The following SPATA9 variants were observed in gnomAD, a reference collection of about 807,000 sequenced individuals.
The protein encoded by SPATA9 is spermatogenesis associated 9, also known as spermatogenesis-associated protein 9.
Under a neutral mutation model 25.5 loss-of-function variants are expected in SPATA9, and 27 were observed. That is an observed-to-expected ratio of 1.06 (90% CI 0.78 to 1.46). The LOEUF is 1.46. Among genes scored for constraint, SPATA9 ranks in the 40% most tolerant of loss-of-function variants. The pLI, the probability that SPATA9 is intolerant of heterozygous loss-of-function variation, is 0.00. For missense variants in SPATA9, 282 were observed against 297.5 expected, an observed-to-expected ratio of 0.95 and a Z score of 0.38; for synonymous variants, 102 against 105.7, an observed-to-expected ratio of 0.97 and a Z score of 0.21.
At chr5:95,663,379 A>G (rs889885651) in intron 4 of SPATA9, among the ~76,000 whole-genome samples, 2 of 152,208 alleles carry the variant, frequency 1.3e-5, no homozygotes, top group African/African-American at 2.4e-5. Flanking sequence ...GAGGGGCAAG[A>G]AAGAGGCTTC....
chr5:95,658,271 CT>C (rs550042928), downstream of SPATA9, among the ~76,000 whole-genome samples: 16 of 151,780 alleles, frequency 1.1e-4, no homozygotes, highest in East Asian at 2.9e-3. Context: ...CTTGATGGGG[CT>C]TTTTTTCCTC....
the SPATA9 span, among the ~76,000 whole-genome samples, chr5:95,729,214 T>G: frequency 6.6e-6 from 1 of 152,246 alleles, no homozygotes; most frequent in African/African-American, 2.4e-5. Context: ...GGACTTGCCC[T>G]GAATTCTTCG....
chr5:95,698,874 AAACTC>A (rs1561422313), upstream of SPATA9, among the ~76,000 whole-genome samples: 1 of 152,216 alleles, frequency 6.6e-6, no homozygotes, highest in Admixed American at 6.5e-5. Flanking sequence ...TTATTACAGC[AAACTC>A]AACTCAATTA....
In SPATA9 at chr5:95,658,384, A is replaced by G; in HGVS notation, c.*239T>C. The G allele has an allele frequency of 3.0e-6, 1 of 336,804 alleles. No individual in the cohort carries two copies. 20.9% of individuals were successfully genotyped at this position (336,804 alleles called of 1,614,324 possible). A position where few individuals can be genotyped will look rare whatever the true frequency, so the allele number is the denominator to read the frequency against. ...ACCACAGTGTAAAGTCTAACCTACC[A>G]GAGGATGGATTTTCTTGTTCATTAA... On this transcript the variant is annotated 3_prime_UTR_variant, in exon 5 of 5. Coordinates refer to ENST00000274432, the MANE Select transcript of SPATA9 (RefSeq NM_031952.4).
rs1254882228 is a variant in SPATA9, at chr5:95,658,897, G to A, written c.491C>T (p.Ala164Val). The change falls in exon 5 of 5, where the codon GCT becomes GTT. Residue 164 changes from alanine to valine, a missense_variant. Transcript: ENST00000274432. ...GATGTTCTTTACCTTCTTCAGCACAGCATTAACACAGACTGCCTATACAAT... is the reference window on the plus strand; with the variant it reads ...GATGTTCTTTACCTTCTTCAGCACAACATTAACACAGACTGCCTATACAAT... ...ALIYLAVCVN[A>V]VLKKVKNIFQ... is the part of the protein sequence containing the mutation. 2 of 1,610,408 alleles carry A rather than the reference G, an allele frequency of 1.2e-6. No homozygotes were observed. Among genetic ancestry groups the A allele is most frequent in the East Asian group, 4.5e-5 (2 of 44,868 alleles).
chr5:95,664,137 TA>T (rs1349034919), intron 3 of SPATA9, 89 bp from the exon 4 acceptor site: 4 of 675,726 alleles, frequency 5.9e-6, no homozygotes, highest in Middle Eastern at 3.9e-4. Context: ...AATGAGAATT[TA>T]TTTTTTTCTA....
the SPATA9 span, among the ~76,000 whole-genome samples, chr5:95,713,221 G>A: frequency 1.3e-5 from 2 of 152,030 alleles, no homozygotes; most frequent in South Asian, 2.1e-4. Flanking sequence ...AGTCCATCAA[G>A]CTATGAAGTC....
chr5:95,674,588 T>C lies in SPATA9; in HGVS notation c.378+824A>G, dbSNP rs896565166. ...ACAGCTGCAAATTATCTTGCAACTATGAGGGGAAAGTCAGCCTAATAATGG... is the reference window on the plus strand; with the variant it reads ...ACAGCTGCAAATTATCTTGCAACTACGAGGGGAAAGTCAGCCTAATAATGG... On this transcript the variant is annotated intron_variant, in intron 3 of 4. Coordinates refer to ENST00000274432, the MANE Select transcript of SPATA9 (RefSeq NM_031952.4). The C allele has an allele frequency of 2.0e-5, 5 of 253,966 alleles. No individual in the cohort carries two copies. In the Admixed American group the frequency reaches 2.2e-4, roughly 11 times the overall value. 15.7% of individuals were successfully genotyped at this position (253,966 alleles called of 1,614,324 possible). A position where few individuals can be genotyped will look rare whatever the true frequency, so the allele number is the denominator to read the frequency against.
chr5:95,703,516 C>T (rs1378224857), upstream of SPATA9, among the ~76,000 whole-genome samples: 1 of 152,036 alleles, frequency 6.6e-6, no homozygotes, highest in Non-Finnish European at 1.5e-5. Context: ...CGCCAGTAGT[C>T]GCAGCTACTT....
chr5:95,683,424 C>T (rs908828029), upstream of SPATA9, among the ~76,000 whole-genome samples: 3 of 152,282 alleles, frequency 2.0e-5, no homozygotes, highest in Non-Finnish European at 4.4e-5. Context: ...TCATCTTTTA[C>T]CCTCCTAGTA....
chr5:95,663,581 AAT>A (rs1751479088), intron 4 of SPATA9, among the ~76,000 whole-genome samples: 2 of 152,128 alleles, frequency 1.3e-5, no homozygotes, highest in African/African-American at 4.8e-5. Context: ...TGTAATCCAA[AAT>A]ACACTAATAC....
downstream of SPATA9, chr5:95,653,930 T>C (rs908244582): frequency 1.1e-5 from 7 of 631,334 alleles, no homozygotes; most frequent in South Asian, 4.5e-5. Context: ...TATAAATGTT[T>C]TATATAGCTA....
intron 3 of SPATA9, among the ~76,000 whole-genome samples, chr5:95,672,425 G>C (rs384537): frequency 0.38 from 57,288 of 151,294 alleles, 11,002 homozygotes; most frequent in Non-Finnish European, 0.41. Context: ...TTTCTCTAGA[G>C]GGACAGTTTC....
At chr5:95,726,052 CAG>C in the SPATA9 span, among the ~76,000 whole-genome samples, 2 of 152,124 alleles carry the variant, frequency 1.3e-5, no homozygotes, top group Admixed American at 1.3e-4. Flanking sequence ...TACACTGAAA[CAG>C]AATTTCTCAA....
chr5:95,675,536 G>A lies in SPATA9; in HGVS notation c.254C>T (p.Ser85Phe). 6.2e-7 allele frequency: 1 copy of A among 1,614,114 alleles called. No individual in the cohort carries two copies. Among genetic ancestry groups the A allele is most frequent in the African/African-American group, 1.3e-5 (1 of 75,010 alleles). The change falls in exon 3 of 5, where the codon TCC becomes TTC. Residue 85 changes from serine to phenylalanine, a missense_variant. Ser to Phe is a radical substitution (Grantham distance 155). Coordinates refer to ENST00000274432, the MANE Select transcript of SPATA9 (RefSeq NM_031952.4). ...CAGAAGTTTGGCCACTGATTTGGAGGATCTGGATATGCTGTTTAATCCACG... is the reference window on the plus strand; with the variant it reads ...CAGAAGTTTGGCCACTGATTTGGAGAATCTGGATATGCTGTTTAATCCACG... ...LIRGLNSISR[S>F]SKSVAKLLHP... is the part of the protein sequence containing the mutation.
upstream of SPATA9, chr5:95,684,764 G>T (rs1425568358): frequency 6.6e-6 from 1 of 152,068 alleles, no homozygotes; most frequent in African/African-American, 2.4e-5. Context: ...AATAAACTTA[G>T]ACAAAAGAAC....
chr5:95,689,216 C>T (rs1753824178), intron 1 of SPATA9, among the ~76,000 whole-genome samples: 1 of 152,158 alleles, frequency 6.6e-6, no homozygotes, highest in African/African-American at 2.4e-5. Flanking sequence ...CTGCTGTTTC[C>T]TGGTAAATAA....
rs995658830 is a variant in SPATA9, at chr5:95,661,470, A to G, written c.474+2483T>C. ...AAATTTGTTTCTATTACCTGCTTAT[A>G]AAGTTCATGGCGTGATAAATTGTGT... is the stretch of plus-strand genomic sequence containing the variant. On this transcript the variant is annotated intron_variant, in intron 4 of 4. Coordinates refer to ENST00000274432, the MANE Select transcript of SPATA9 (RefSeq NM_031952.4). Among the ~76,000 whole-genome samples the G allele has an allele frequency of 5.3e-5, 8 of 152,268 alleles. No individual in the cohort carries two copies. In the South Asian group the frequency reaches 6.2e-4, roughly 12 times the overall value.
chr5:95,704,582 T>C, the SPATA9 span, among the ~76,000 whole-genome samples: 1 of 152,162 alleles, frequency 6.6e-6, no homozygotes, highest in African/African-American at 2.4e-5. Flanking sequence ...AAAGTATCAA[T>C]TAAAGAGTTA....
Sources: gnomAD v4.1 joint callset for allele counts (sites outside exome capture counted in the v4.1 genomes callset) on GRCh38, gnomAD v4.1.1 for gene constraint, MANE v1.5 for transcripts, NCBI Gene and HGNC (gene_info 2026-07-23, HGNC 2026-07-21) for gene names.